Variants in LHFPL3 observed in about 807,000 individuals in gnomAD.
LHFPL3 encodes the protein LHFPL tetraspan subfamily member 3.
In LHFPL3, 5 loss-of-function variants were observed where a neutral mutation model predicts 19.3. That is an observed-to-expected ratio of 0.26 (90% CI 0.14 to 0.54). The LOEUF (loss-of-function observed/expected upper bound fraction) is 0.54. Among genes scored for constraint, LHFPL3 ranks in the 20% least tolerant of loss-of-function variants. The pLI is 0.94. For synonymous variants in LHFPL3, 133 were observed against 126.2 expected, an observed-to-expected ratio of 1.05 and a Z score of -0.36; for missense variants, 249 against 307.4, an observed-to-expected ratio of 0.81 and a Z score of 1.42.
chr7:104,689,329 T>C (rs1792864702), intron 1 of LHFPL3, among the ~76,000 whole-genome samples: 1 of 152,206 alleles, frequency 6.6e-6, no homozygotes, highest in African/African-American at 2.4e-5. Flanking sequence ...ATCAGAATAG[T>C]CTGACTCCTG....
intron 1 of LHFPL3, among the ~76,000 whole-genome samples, chr7:104,600,978 G>T (rs1422955363): frequency 6.6e-6 from 1 of 152,176 alleles, no homozygotes; most frequent in Non-Finnish European, 1.5e-5. Context: ...ATGCAGATTT[G>T]ACAGAAGAAT....
chr7:104,557,337 T>TAGCTGGGGA (rs1175631607), intron 1 of LHFPL3, among the ~76,000 whole-genome samples: 1 of 152,180 alleles, frequency 6.6e-6, no homozygotes, highest in Non-Finnish European at 1.5e-5. Flanking sequence ...CTCACAATCA[T>TAGCTGGGGA]GGCAGAAGGC....
intron 1 of LHFPL3, among the ~76,000 whole-genome samples, chr7:104,609,892 G>C (rs904898343): frequency 6.6e-6 from 1 of 152,148 alleles, no homozygotes. Context: ...ACTTACAAAG[G>C]CATCATAATT....
At chr7:104,416,337 C>T (rs546981421) in intron 1 of LHFPL3, among the ~76,000 whole-genome samples, 1 of 152,134 alleles carries the variant, frequency 6.6e-6, no homozygotes, top group African/African-American at 2.4e-5. Flanking sequence ...TTTCCAGCCT[C>T]CAGAACATTG....
chr7:104,328,672 G>A lies in LHFPL3; in HGVS notation c.-108G>A. On this transcript the variant is annotated 5_prime_UTR_variant, in exon 1 of 3. Coordinates refer to ENST00000424859, the MANE Select transcript of LHFPL3 (RefSeq NM_199000.3). This position sits in a 1 kb window ranked among gnomAD's most constrained non-coding sequence, Gnocchi z 4.6. ...CTGGTGCTGCTGGGCTGAGGCGGAG[G>A]CAGGGGAGTTGCAGCGCGCGAGGCT... The A allele has an allele frequency of 4.3e-6, 4 of 924,766 alleles. No individual in the cohort carries two copies. The highest frequency in any genetic ancestry group is 6.5e-4 in the Middle Eastern group (2 of 3,082). The allele number at this position is 924,766 out of a possible 1,614,324, so 57.3% of individuals were successfully genotyped here. A position where few individuals can be genotyped will look rare whatever the true frequency, so the allele number is the denominator to read the frequency against.
intron 2 of LHFPL3, among the ~76,000 whole-genome samples, chr7:104,746,003 C>T (rs1794039610): frequency 6.6e-6 from 1 of 152,074 alleles, no homozygotes. Flanking sequence ...TTCACAATCA[C>T]CTGGGGGAGA....
intron 2 of LHFPL3, among the ~76,000 whole-genome samples, chr7:104,809,140 C>T (rs1405810828): frequency 6.6e-6 from 1 of 152,154 alleles, no homozygotes; most frequent in Non-Finnish European, 1.5e-5. Context: ...AGTGATCGCC[C>T]ACCTTGGCCT....
chr7:104,837,808 A>G (rs1311201331), intron 2 of LHFPL3, among the ~76,000 whole-genome samples: 47 of 152,142 alleles, frequency 3.1e-4, no homozygotes, highest in Admixed American at 3.0e-3. Flanking sequence ...TAGCTGCCAC[A>G]TTCCAGTGCC....
chr7:104,673,781 T>C (rs571200261), intron 1 of LHFPL3, among the ~76,000 whole-genome samples: 3 of 152,336 alleles, frequency 2.0e-5, no homozygotes, highest in African/African-American at 7.2e-5. Context: ...AGCTCAGAAC[T>C]GAATTAGAAC....
At chr7:104,553,876 G>C (rs17138618) in intron 1 of LHFPL3, among the ~76,000 whole-genome samples, 5,828 of 152,244 alleles carry the variant, frequency 0.038, 337 homozygotes, top group African/African-American at 0.13. Flanking sequence ...GGCTAGACTA[G>C]AGGCTCAGGT....
chr7:104,441,730 C>T (rs1245884748), intron 1 of LHFPL3, among the ~76,000 whole-genome samples: 3 of 152,150 alleles, frequency 2.0e-5, no homozygotes, highest in Admixed American at 2.0e-4. Flanking sequence ...TGTGCGCCAC[C>T]ATGCTCGGCT....
At chr7:104,898,367 A>G (rs929725844) in intron 2 of LHFPL3, among the ~76,000 whole-genome samples, 1 of 152,126 alleles carries the variant, frequency 6.6e-6, no homozygotes, top group Admixed American at 6.5e-5. Flanking sequence ...CAAGACACAC[A>G]GTAACTAGTC....
intron 2 of LHFPL3, among the ~76,000 whole-genome samples, chr7:104,737,744 A>G (rs549742337): frequency 6.6e-6 from 1 of 152,276 alleles, no homozygotes; most frequent in South Asian, 2.1e-4. Flanking sequence ...CTTTAACTTT[A>G]AAACTGTGCA....
chr7:104,380,789 T>G (rs1790811764), intron 1 of LHFPL3, among the ~76,000 whole-genome samples: 1 of 152,158 alleles, frequency 6.6e-6, no homozygotes, highest in African/African-American at 2.4e-5. Flanking sequence ...ATATGTCATT[T>G]ATATACAATA....
intron 1 of LHFPL3, among the ~76,000 whole-genome samples, chr7:104,484,825 G>T (rs1446589052): frequency 1.3e-5 from 2 of 152,074 alleles, no homozygotes; most frequent in Non-Finnish European, 2.9e-5. Flanking sequence ...CTTTTATCAG[G>T]AACACACTCC....
At chr7:104,591,074 C>T (rs1265623470) in intron 1 of LHFPL3, among the ~76,000 whole-genome samples, 1 of 152,124 alleles carries the variant, frequency 6.6e-6, no homozygotes, top group Non-Finnish European at 1.5e-5. Flanking sequence ...TCCAATTTGC[C>T]AGTCTGTGTC....
chr7:104,814,863 C>T (rs930589008), intron 2 of LHFPL3, among the ~76,000 whole-genome samples: 1 of 152,222 alleles, frequency 6.6e-6, no homozygotes, highest in Non-Finnish European at 1.5e-5. Flanking sequence ...AGAGCAGGTG[C>T]CGACAGCAGG....
intron 1 of LHFPL3, among the ~76,000 whole-genome samples, chr7:104,735,538 G>A (rs1793796383): frequency 6.6e-6 from 1 of 152,248 alleles, no homozygotes; most frequent in Admixed American, 6.5e-5. Flanking sequence ...CTGATCTGCT[G>A]GTGTGCTGTT....
intron 2 of LHFPL3, among the ~76,000 whole-genome samples, chr7:104,842,240 C>T (rs1562811484): frequency 7.2e-6 from 1 of 138,728 alleles, no homozygotes; most frequent in Non-Finnish European, 1.5e-5. Flanking sequence ...GCAAAATACT[C>T]TCAAAGTTAC....
Sources: allele counts gnomAD v4.1 joint callset (sites outside exome capture counted in the v4.1 genomes callset), GRCh38; gene constraint gnomAD v4.1.1; non-coding constraint Gnocchi (gnomAD v3.1); transcripts MANE v1.5; gene names NCBI Gene and HGNC (gene_info 2026-07-23, HGNC 2026-07-21).